Variants in TINAG observed in about 807,000 individuals in gnomAD.
TINAG encodes tubulointerstitial nephritis antigen.
Under a neutral mutation model 72.7 loss-of-function variants are expected in TINAG, and 83 were observed. The observed-to-expected ratio is 1.14, with a 90% CI of 0.96 to 1.37. The LOEUF is 1.37. Among genes scored for constraint, TINAG ranks in the 40% most tolerant of loss-of-function variants. The pLI, the probability that TINAG is intolerant of heterozygous loss-of-function variation, is 0.00. For synonymous variants in TINAG, 234 were observed against 189.9 expected (o/e 1.23, Z -1.91); for missense variants, 685 against 576.6 (o/e 1.19, Z -1.93).
chr6:54,351,331 T>C, intron 7 of TINAG, 21 bp from the exon 8 acceptor site: 1 of 1,599,938 alleles, frequency 6.3e-7, no homozygotes, highest in Non-Finnish European at 8.6e-7. Flanking sequence ...TGATATTGCT[T>C]ATTCATATTT....
At chr6:54,388,154 A>T (rs1241000118) in intron 10 of TINAG, among the ~76,000 whole-genome samples, 3 of 152,240 alleles carry the variant, frequency 2.0e-5, no homozygotes, top group African/African-American at 7.2e-5. Context: ...ATTCCTAGCC[A>T]TTTGTTAGGT....
chr6:54,365,541 A>C (rs1368733392), intron 9 of TINAG: 1 of 151,586 alleles, frequency 6.6e-6, no homozygotes, highest in East Asian at 1.9e-4. Flanking sequence ...GAAGAAGAGC[A>C]TAAGGAAGCC....
At chr6:54,353,208 T>C (rs926929800) in intron 8 of TINAG, among the ~76,000 whole-genome samples, 10 of 151,818 alleles carry the variant, frequency 6.6e-5, no homozygotes, top group Admixed American at 1.3e-4. Context: ...TCAGGAATAA[T>C]GAATACATTT....
intron 2 of TINAG, 38 bp downstream of exon 2, chr6:54,320,680 T>C: frequency 1.3e-6 from 2 of 1,489,202 alleles, no homozygotes; most frequent in Non-Finnish European, 1.8e-6. Flanking sequence ...AGTTCTACTG[T>C]GTGTGTATGT....
chr6:54,318,277 T>C (rs987627524), intron 1 of TINAG, among the ~76,000 whole-genome samples: 18 of 152,290 alleles, frequency 1.2e-4, no homozygotes, highest in African/African-American at 4.3e-4. Flanking sequence ...TGTTAGGATG[T>C]CTAGCCTAGG....
Position 54,326,864 on chromosome 6 carries a change from G to A in TINAG, c.572G>A (p.Arg191His), listed in dbSNP as rs368916966. ...GMTLEDGFKF[R>H]LGTLPPSPML... is the part of the protein sequence containing the mutation. ...ACTTTAGAAGATGGTTTTAAATTTC[G>A]CCTTGGCACTTTGCCACCTAGTCCC... The change falls in exon 4 of 11, where the codon CGC becomes CAC. Residue 191 changes from arginine to histidine, a missense_variant. By Grantham distance (29) the Arg-to-His change is conservative (BLOSUM62 0). Transcript: ENST00000259782. 163 of 1,612,780 alleles carry A rather than the reference G, an allele frequency of 1.0e-4. 2 individuals carry two copies. Among genetic ancestry groups the A allele is most frequent in the South Asian group, 7.1e-4 (64 of 90,544 alleles).
intron 9 of TINAG, among the ~76,000 whole-genome samples, chr6:54,358,621 C>A (rs902536092): frequency 5.9e-5 from 9 of 151,416 alleles, no homozygotes; most frequent in Non-Finnish European, 1.2e-4. Context: ...AAATGTTGAA[C>A]CTGTGCTCAT....
At position 54,344,646 on chromosome 6, in the gene TINAG, T is replaced by C. The variant is rs3777642; in HGVS notation, c.748+1297T>C. 9.2e-3 allele frequency among the ~76,000 whole-genome samples: 1,408 copies of C among 152,280 alleles called. 32 individuals are homozygous for C. Among genetic ancestry groups the C allele is most frequent in the East Asian group, 0.053 (275 of 5,176 alleles). ...CTGAAGATATCTAAAGGAAAACATTTGTGGTGAAATACTGAAAGCAACTTG... is the reference window on the plus strand; with the variant it reads ...CTGAAGATATCTAAAGGAAAACATTCGTGGTGAAATACTGAAAGCAACTTG... On this transcript the variant is annotated intron_variant, in intron 5 of 10. Transcript: ENST00000259782.
rs186836071 is a variant in TINAG at position 54,330,330 on chromosome 6, C to G, written c.624+3414C>G. Among the ~76,000 whole-genome samples the G allele has an allele frequency of 3.7e-3, 568 of 152,296 alleles. 6 individuals carry two copies. Among genetic ancestry groups the G allele is most frequent in the African/African-American group, 0.013 (538 of 41,570 alleles). On this transcript the variant is annotated intron_variant, in intron 4 of 10. Transcript: ENST00000259782. ...TCCAAACTGCACAACTACATGGAAA[C>G]TGAACAACCGATTCCTGAATGACTA...
At chr6:54,324,505 A>G (rs975329762) in intron 3 of TINAG, among the ~76,000 whole-genome samples, 8 of 152,214 alleles carry the variant, frequency 5.3e-5, no homozygotes, top group African/African-American at 1.9e-4. Flanking sequence ...AAAGCAAGTT[A>G]CTAGGCCAGC....
Position 54,389,787 on chromosome 6 carries a change from G to T in TINAG, c.1297-4G>T, listed in dbSNP as rs932438110. On this transcript the variant is annotated splice_polypyrimidine_tract_variant and splice_region_variant and intron_variant, in intron 10 of 10. Transcript: ENST00000259782. ...AACTTTTTTGTTTGTTTGTTTTTCT[G>T]CAGATTGCTGCCAATTCCTGGGGAA... The T allele has an allele frequency of 1.3e-6, 2 of 1,571,938 alleles. No homozygotes were observed. Among genetic ancestry groups the T allele is most frequent in the East Asian group, 4.6e-5 (2 of 43,796 alleles).
At chr6:54,351,542 T>G in intron 8 of TINAG, 145 bp downstream of exon 8, 4 of 638,716 alleles carry the variant, frequency 6.3e-6, no homozygotes, top group Non-Finnish European at 7.8e-6. Context: ...CTAAAATGAG[T>G]GCAGTTATGA....
intron 9 of TINAG, among the ~76,000 whole-genome samples, chr6:54,355,623 A>C (rs1320714013): frequency 6.6e-6 from 1 of 151,912 alleles, no homozygotes; most frequent in East Asian, 1.9e-4. Flanking sequence ...TGCTGATTTC[A>C]TGAATATGAA....
At position 54,389,969 on chromosome 6, in the gene TINAG, C is replaced by T; in HGVS notation, c.*44C>T. On this transcript the variant is annotated 3_prime_UTR_variant, in exon 11 of 11. Coordinates refer to ENST00000259782, the MANE Select transcript of TINAG (RefSeq NM_014464.4). ...TAAGGTCATGCCTTTAAGTAACCCCCTAAATTGAAGTTTAGCAATATGACA... is the reference window on the plus strand; with the variant it reads ...TAAGGTCATGCCTTTAAGTAACCCCTTAAATTGAAGTTTAGCAATATGACA... 1 of 1,589,098 alleles carries T rather than the reference C, an allele frequency of 6.3e-7. No homozygotes were observed. Among genetic ancestry groups the T allele is most frequent in the Non-Finnish European group, 8.5e-7 (1 of 1,172,478 alleles).
chr6:54,322,552 G>T (rs989661408), intron 3 of TINAG, among the ~76,000 whole-genome samples: 1 of 152,106 alleles, frequency 6.6e-6, no homozygotes, highest in African/African-American at 2.4e-5. Flanking sequence ...GAAATAATCT[G>T]GAGAAGTATT....
At chr6:54,323,640 T>C (rs142944399) in intron 3 of TINAG, among the ~76,000 whole-genome samples, 27 of 152,322 alleles carry the variant, frequency 1.8e-4, no homozygotes, top group Middle Eastern at 3.4e-3. Context: ...GTTCCACTGA[T>C]GGCATGGCTG....
At chr6:54,386,546 C>T (rs535725157) in intron 10 of TINAG, among the ~76,000 whole-genome samples, 1 of 152,234 alleles carries the variant, frequency 6.6e-6, no homozygotes, top group South Asian at 2.1e-4. Context: ...TTCCATGTGG[C>T]TCCCTCACAC....
chr6:54,326,967 T>C (rs1784618994), intron 4 of TINAG, 51 bp downstream of exon 4: 1 of 1,609,254 alleles, frequency 6.2e-7, no homozygotes, highest in Admixed American at 1.7e-5. Context: ...AAAAGTGTGT[T>C]TGTGTGTGCA....
intron 9 of TINAG, among the ~76,000 whole-genome samples, chr6:54,360,962 A>G (rs1763217891): frequency 1.4e-5 from 2 of 142,758 alleles, no homozygotes; most frequent in South Asian, 4.4e-4. Flanking sequence ...TCTCTGTGTT[A>G]CATTTTGGTA....
Sources: allele counts gnomAD v4.1 joint callset (sites outside exome capture counted in the v4.1 genomes callset), GRCh38; gene constraint gnomAD v4.1.1; transcripts MANE v1.5; gene names NCBI Gene and HGNC (gene_info 2026-07-23, HGNC 2026-07-21).